The following EYS variants were observed in gnomAD, a reference collection of about 807,000 sequenced individuals.
EYS encodes the protein EGF-like photoreceptor maintenance factor, also known as protein eyes shut homolog.
A neutral mutation model predicts 282.1 loss-of-function variants in EYS; 250 were observed. That is an observed-to-expected ratio of 0.89 (90% CI 0.80 to 0.98). The LOEUF (loss-of-function observed/expected upper bound fraction) is 0.98. Among genes scored for constraint, EYS ranks in the 50% least tolerant of loss-of-function variants. The pLI, the probability that EYS is intolerant of heterozygous loss-of-function variation, is 0.00. For synonymous variants in EYS, 1,355 were observed against 1,282.9 expected (o/e 1.06, Z -1.20); for missense variants, 4,016 against 3,709.0 (o/e 1.08, Z -2.15).
At chr6:64,092,530 T>G (rs1466931592) in intron 31 of EYS, among the ~76,000 whole-genome samples, 3 of 152,276 alleles carry the variant, frequency 2.0e-5, no homozygotes, top group African/African-American at 7.2e-5. Context: ...TCATGTGTCT[T>G]TTGGCTGCAT....
At chr6:65,549,294 A>AT (rs574305760) in intron 2 of EYS, among the ~76,000 whole-genome samples, 2 of 151,712 alleles carry the variant, frequency 1.3e-5, no homozygotes, top group Non-Finnish European at 2.9e-5. Context: ...ACATAAAGCT[A>AT]TATCACCAAA....
At chr6:64,697,044 G>A (rs1419362850) in intron 22 of EYS, among the ~76,000 whole-genome samples, 1 of 151,988 alleles carries the variant, frequency 6.6e-6, no homozygotes, top group Non-Finnish European at 1.5e-5. Flanking sequence ...ATTACAACAG[G>A]AACAAATCCT....
intron 31 of EYS, among the ~76,000 whole-genome samples, chr6:64,101,939 T>C (rs993854831): frequency 3.3e-5 from 5 of 151,612 alleles, no homozygotes; most frequent in African/African-American, 9.7e-5. Context: ...CAGTTCCCAA[T>C]TGGGTTTGTG....
At chr6:65,278,369 T>C (rs959003879) in intron 12 of EYS, among the ~76,000 whole-genome samples, 17 of 41,514 alleles carry the variant, frequency 4.1e-4, no homozygotes, top group African/African-American at 7.3e-4. Flanking sequence ...GAATATATAT[T>C]ATATATATTT....
At chr6:64,404,343 C>T (rs1483390803) in intron 28 of EYS, among the ~76,000 whole-genome samples, 1 of 151,438 alleles carries the variant, frequency 6.6e-6, no homozygotes, top group Non-Finnish European at 1.5e-5. Flanking sequence ...ATTTTTGTTC[C>T]CTAGTCCTTT....
intron 22 of EYS, among the ~76,000 whole-genome samples, chr6:64,689,336 G>A (rs1770281973): frequency 6.6e-6 from 1 of 152,070 alleles, no homozygotes; most frequent in Non-Finnish European, 1.5e-5. Flanking sequence ...ACAAACAAAT[G>A]GAAGAACATT....
chr6:64,689,027 A>G (rs914723784), intron 22 of EYS, among the ~76,000 whole-genome samples: 33 of 152,142 alleles, frequency 2.2e-4, no homozygotes, highest in African/African-American at 7.5e-4. Flanking sequence ...GAGGAAGTCA[A>G]ATTGTCCCTG....
intron 31 of EYS, among the ~76,000 whole-genome samples, chr6:64,107,134 G>C (rs1773042833): frequency 6.7e-6 from 1 of 150,156 alleles, no homozygotes; most frequent in African/African-American, 2.4e-5. Flanking sequence ...TAAAATTCCT[G>C]ACCTGATGAT....
intron 31 of EYS, among the ~76,000 whole-genome samples, chr6:64,102,445 A>T (rs1233989115): frequency 6.6e-6 from 1 of 152,164 alleles, no homozygotes; most frequent in African/African-American, 2.4e-5. Flanking sequence ...ATCTTAAATG[A>T]TAATAAAAAG....
chr6:65,395,051 C>A (rs1474984181), intron 7 of EYS, among the ~76,000 whole-genome samples: 1 of 152,110 alleles, frequency 6.6e-6, no homozygotes, highest in Admixed American at 6.5e-5. Flanking sequence ...GTAATCCCAA[C>A]CTTACTTTAT....
At chr6:65,504,093 C>T (rs1766562819) in intron 2 of EYS, among the ~76,000 whole-genome samples, 2 of 151,490 alleles carry the variant, frequency 1.3e-5, no homozygotes, top group African/African-American at 2.4e-5. Flanking sequence ...CATGAAATCT[C>T]TTTCTATTTA....
intron 2 of EYS, among the ~76,000 whole-genome samples, chr6:65,606,304 C>T (rs1463782522): frequency 1.3e-5 from 2 of 151,636 alleles, no homozygotes; most frequent in African/African-American, 2.4e-5. Flanking sequence ...CTATTTATTG[C>T]TTTATATTTA....
chr6:64,189,956 C>CT (rs1765053985), intron 31 of EYS, among the ~76,000 whole-genome samples: 1 of 152,138 alleles, frequency 6.6e-6, no homozygotes, highest in South Asian at 2.1e-4. Flanking sequence ...AATCATTTTC[C>CT]TTCCTTTGTC....
chr6:65,368,577 A>C (rs1300299448), intron 8 of EYS, among the ~76,000 whole-genome samples: 2 of 151,778 alleles, frequency 1.3e-5, no homozygotes, highest in Non-Finnish European at 2.9e-5. Context: ...AATCCTGTGA[A>C]AGATGCTTCT....
intron 26 of EYS, among the ~76,000 whole-genome samples, chr6:64,546,396 T>C (rs1322345734): frequency 6.6e-6 from 1 of 152,174 alleles, no homozygotes; most frequent in African/African-American, 2.4e-5. Context: ...ACTTAAATGT[T>C]AGACCTAAAA....
At chr6:64,820,205 A>C (rs1255957976) in intron 21 of EYS, among the ~76,000 whole-genome samples, 1 of 152,030 alleles carries the variant, frequency 6.6e-6, no homozygotes, top group Non-Finnish European at 1.5e-5. Flanking sequence ...TAAGACAAAA[A>C]AGTCACTGAG....
At chr6:65,302,001 T>A (rs1308200769) in intron 11 of EYS, among the ~76,000 whole-genome samples, 1 of 152,254 alleles carries the variant, frequency 6.6e-6, no homozygotes, top group Non-Finnish European at 1.5e-5. Context: ...ACTGAAAAAC[T>A]GATTTTTTTT....
chr6:65,042,193 T>C (rs1344822397), intron 13 of EYS, among the ~76,000 whole-genome samples: 1 of 151,542 alleles, frequency 6.6e-6, no homozygotes, highest in African/African-American at 2.4e-5. Flanking sequence ...ATCACATTTT[T>C]ATGCCTTTTT....
chr6:64,380,365 T>C (rs760635361), intron 29 of EYS, among the ~76,000 whole-genome samples: 34 of 152,314 alleles, frequency 2.2e-4, no homozygotes, highest in Admixed American at 5.9e-4. Context: ...TATAGCTTCA[T>C]CACTTTTCAA....
Sources: allele counts gnomAD v4.1 joint callset (sites outside exome capture counted in the v4.1 genomes callset), GRCh38; gene constraint gnomAD v4.1.1; transcripts MANE v1.5; gene names NCBI Gene and HGNC (gene_info 2026-07-23, HGNC 2026-07-21).